The following ATP6V0B variants were observed in gnomAD, a reference collection of about 807,000 sequenced individuals.
The protein encoded by ATP6V0B is V-type proton ATPase 21 kDa proteolipid subunit c''.
Under a neutral mutation model 26.2 loss-of-function variants are expected in ATP6V0B, and 4 were observed. That is an observed-to-expected ratio of 0.15 (90% confidence interval 0.08 to 0.35). The LOEUF is 0.35. ATP6V0B is among the 10% of genes least tolerant of loss of function. ATP6V0B has a pLI of 1.00. For synonymous variants in ATP6V0B, 110 were observed against 105.8 expected (o/e 1.04, Z -0.24); for missense variants, 175 against 272.5 (o/e 0.64, Z 2.52).
In ATP6V0B at chr1:43,978,284, TTGTC is replaced by T; in HGVS notation, c.*280_*283del. ...AGTGTTTGTGAAATAAACTTGGTAT[TTGTC>T]TGGGTCAGTGCAGCTTCTGTTGCCC... On this transcript the variant is annotated 3_prime_UTR_variant, in exon 8 of 8. Transcript: ENST00000472174. 1.8e-6 allele frequency: 1 copy of T among 552,518 alleles called. No individual in the cohort carries two copies. The highest frequency in any genetic ancestry group is 2.0e-5 in the South Asian group (1 of 49,500). 34.2% of individuals were successfully genotyped at this position (552,518 alleles called of 1,614,324 possible). A position where few individuals can be genotyped will look rare whatever the true frequency, so the allele number is the denominator to read the frequency against.
chr1:43,975,806 G>C lies in ATP6V0B; in HGVS notation c.74G>C (p.Cys25Ser). Residue 25 changes from cysteine to serine, a missense_variant, in exon 2 of 8, where the codon TGC becomes TCC. Coordinates refer to ENST00000472174, the MANE Select transcript of ATP6V0B (RefSeq NM_004047.5). Reference sequence around the variant, plus strand: ...TTCTCCCTCACTGCTGCAGGAGTCTGCTACACCATTTTTGATTTGGGCTTC... The same window carrying C: ...TTCTCCCTCACTGCTGCAGGAGTCTCCTACACCATTTTTGATTTGGGCTTC... ...FWACALAVGV[C>S]YTIFDLGFRF... The C allele has an allele frequency of 6.2e-7, 1 of 1,600,122 alleles. No homozygotes were observed. The highest frequency in any genetic ancestry group is 8.5e-7 in the Non-Finnish European group (1 of 1,172,390).
chr1:43,977,572 C>T (rs1453757198), intron 7 of ATP6V0B: 2 of 1,422,016 alleles, frequency 1.4e-6, no homozygotes, highest in African/African-American at 2.9e-5. Context: ...CTATATCAGT[C>T]TGTCATGGTG....
intron 1 of ATP6V0B, 95 bp from the exon 2 acceptor site, chr1:43,975,705 G>A (rs2085512247): frequency 1.4e-6 from 2 of 1,436,992 alleles, no homozygotes; most frequent in East Asian, 4.6e-5. Flanking sequence ...CGCCCCTTCA[G>A]GGAGGTGGCC....
At chr1:43,975,301 C>T (rs891218029) in intron 1 of ATP6V0B, 194 bp downstream of exon 1, 25 of 669,830 alleles carry the variant, frequency 3.7e-5, no homozygotes, top group Middle Eastern at 4.8e-4. Context: ...AGGAGGGGTG[C>T]GGGCGGGTAG....
intron 1 of ATP6V0B, 61 bp downstream of exon 1, chr1:43,975,168 C>G (rs772090056): frequency 7.1e-7 from 1 of 1,403,942 alleles, no homozygotes; most frequent in African/African-American, 1.5e-5. Flanking sequence ...GGTCGGAACT[C>G]GGCGGGGAAG....
intron 1 of ATP6V0B, chr1:43,975,435 G>A (rs2085507215): frequency 3.7e-6 from 2 of 546,494 alleles, no homozygotes; most frequent in East Asian, 6.6e-5. Context: ...CGGCTGCTCC[G>A]GTTCCTCTTT....
Position 43,976,288 on chromosome 1 carries a change from T to C in ATP6V0B, c.201-14T>C, listed in dbSNP as rs750186065. ...GCTTGGGCTCTGCTCATCAGTTTTTTATCCTTCCACCAGGGGCATCTATAT... is the reference window on the plus strand; with the variant it reads ...GCTTGGGCTCTGCTCATCAGTTTTTCATCCTTCCACCAGGGGCATCTATAT... On this transcript the variant is annotated splice_polypyrimidine_tract_variant and intron_variant, in intron 3 of 7. Transcript: ENST00000472174. This position sits in a 1 kb window ranked among gnomAD's most constrained non-coding sequence, Gnocchi z 4.6. 1 of 1,613,506 alleles carries C rather than the reference T, an allele frequency of 6.2e-7. No individual in the cohort carries two copies. The highest frequency in any genetic ancestry group is 8.5e-7 in the Non-Finnish European group (1 of 1,179,606).
At position 43,976,570 on chromosome 1, in the gene ATP6V0B, C is replaced by T. The variant is rs761448712; in HGVS notation, c.279-20C>T. The T allele has an allele frequency of 2.1e-4, 344 of 1,613,520 alleles. No homozygotes were observed. The highest frequency in any genetic ancestry group is 4.9e-4 in the Middle Eastern group (3 of 6,084). The stretch of plus-strand genomic sequence containing the variant: ...TCTTTCTCCTTTCCACTCCTTACCC[C>T]TAATCTCTACCACTACCAGCATCAT... On this transcript the variant is annotated intron_variant, in intron 4 of 7. Transcript: ENST00000472174. This position sits in a 1 kb window ranked among gnomAD's most constrained non-coding sequence, Gnocchi z 4.6.
rs935947282 is a variant in ATP6V0B at position 43,978,219 on chromosome 1, G to A, written c.*212G>A. ...GCTGCTGCTGACTCTGTGCAGCTGC[G>A]CACCTGTGTCCCCCACCTCCACCCT... On this transcript the variant is annotated 3_prime_UTR_variant, in exon 8 of 8. Coordinates refer to ENST00000472174, the MANE Select transcript of ATP6V0B (RefSeq NM_004047.5). The A allele has an allele frequency of 4.6e-6, 3 of 652,110 alleles. No homozygotes were observed. The highest frequency in any genetic ancestry group is 1.8e-5 in the South Asian group (1 of 55,470). 40.4% of individuals were successfully genotyped at this position (652,110 alleles called of 1,614,324 possible).
chr1:43,977,568 CA>C, intron 7 of ATP6V0B: 1 of 1,425,152 alleles, frequency 7.0e-7, no homozygotes, highest in Non-Finnish European at 9.1e-7. Context: ...CTGTCTATAT[CA>C]GTCTGTCATG....
At chr1:43,977,527 A>C (rs1256407032) in intron 7 of ATP6V0B, 5 of 1,427,268 alleles carry the variant, frequency 3.5e-6, no homozygotes, top group Admixed American at 3.1e-5. Flanking sequence ...TCCAGTCTGT[A>C]TTTGTGATCT....
intron 7 of ATP6V0B, 192 bp from the exon 8 acceptor site, chr1:43,977,789 C>T: frequency 6.6e-7 from 1 of 1,514,706 alleles, no homozygotes; most frequent in Admixed American, 2.1e-5. Flanking sequence ...TTCTCTCCGT[C>T]TGTCCCACAG....
In ATP6V0B at chr1:43,976,409, A is replaced by G. The variant is rs768805395; in HGVS notation, c.278+30A>G. 12 of 1,595,412 alleles carry G rather than the reference A, an allele frequency of 7.5e-6. No individual in the cohort carries two copies. Among genetic ancestry groups the G allele is most frequent in the Non-Finnish European group, 1.0e-5 (12 of 1,168,180 alleles). Reference sequence around the variant, plus strand: ...GTGTCAGGGTCCTTGGACTTTTGTCAGAACCAGCTGTGTTGGCGCTGCCTG... The same window carrying G: ...GTGTCAGGGTCCTTGGACTTTTGTCGGAACCAGCTGTGTTGGCGCTGCCTG... On this transcript the variant is annotated intron_variant, in intron 4 of 7. Coordinates refer to ENST00000472174, the MANE Select transcript of ATP6V0B (RefSeq NM_004047.5). The surrounding 1 kb of genome is among the most constrained non-coding windows in gnomAD (Gnocchi z 4.6).
chr1:43,977,933 T>A (rs771663239), intron 7 of ATP6V0B, 48 bp from the exon 8 acceptor site: 24 of 1,614,108 alleles, frequency 1.5e-5, no homozygotes, highest in Non-Finnish European at 1.9e-5. Context: ...GTCACTGCCT[T>A]ACCTATTCCT....
chr1:43,975,085 C>T lies in ATP6V0B; in HGVS notation c.45C>T (p.Phe15=). The change falls in exon 1 of 8, where the codon TTC becomes TTT. Residue 15 remains phenylalanine (F), a synonymous_variant. Coordinates refer to ENST00000472174, the MANE Select transcript of ATP6V0B (RefSeq NM_004047.5). ...ALLYSGVFVA[F]WACALAVGVC... Reference sequence around the variant, plus strand: ...TCTACTCCGGGGTCTTCGTGGCCTTCTGGGCCTGCGCGCTGGCCGTGGGTG... The same window carrying T: ...TCTACTCCGGGGTCTTCGTGGCCTTTTGGGCCTGCGCGCTGGCCGTGGGTG... 7.1e-7 allele frequency: 1 copy of T among 1,408,504 alleles called. No individual in the cohort carries two copies. The highest frequency in any genetic ancestry group is 9.2e-7 in the Non-Finnish European group (1 of 1,086,684). The allele number at this position is 1,408,504 out of a possible 1,614,324, so 87.3% of individuals were successfully genotyped here. A position where few individuals can be genotyped will look rare whatever the true frequency, so the allele number is the denominator to read the frequency against.
Position 43,977,061 on chromosome 1 carries a change from C to T in ATP6V0B, c.436C>T (p.Leu146=). 1 of 1,611,516 alleles carries T rather than the reference C, an allele frequency of 6.2e-7. No homozygotes were observed. Among genetic ancestry groups the T allele is most frequent in the Non-Finnish European group, 8.5e-7 (1 of 1,178,048 alleles). The part of the protein sequence containing the change: ...SMFGAGLTVG[L]SNLFCGVCVG... Reference sequence around the variant, plus strand: ...GTTTGGGGCTGGCCTCACCGTAGGCCTGTCTAACCTCTTCTGTGGAGTCTG... The same window carrying T: ...GTTTGGGGCTGGCCTCACCGTAGGCTTGTCTAACCTCTTCTGTGGAGTCTG... Residue 146 remains leucine (L), a synonymous_variant, in exon 7 of 8, where the codon CTG becomes TTG. Transcript: ENST00000472174.
chr1:43,977,813 T>G, intron 7 of ATP6V0B, 168 bp from the exon 8 acceptor site: 1 of 1,563,900 alleles, frequency 6.4e-7, no homozygotes, highest in Non-Finnish European at 8.7e-7. Flanking sequence ...AACTCTGTGG[T>G]TGTCTGTCCC....
chr1:43,975,351 CTG>C, intron 1 of ATP6V0B: 2 of 581,772 alleles, frequency 3.4e-6, no homozygotes, highest in Non-Finnish European at 3.0e-6. Context: ...GCCACTATCG[CTG>C]TCTCCCCTCG....
intron 7 of ATP6V0B, chr1:43,977,518 C>G: frequency 4.9e-6 from 7 of 1,429,356 alleles, no homozygotes; most frequent in Non-Finnish European, 6.4e-6. Flanking sequence ...TTTCATGTCT[C>G]CAGTCTGTAT....
Sources: allele counts gnomAD v4.1 joint callset, GRCh38; gene constraint gnomAD v4.1.1; non-coding constraint Gnocchi (gnomAD v3.1); transcripts MANE v1.5; gene names NCBI Gene and HGNC (gene_info 2026-07-23, HGNC 2026-07-21).